CPA6: variants seen among roughly 807,000 people sequenced by gnomAD.
CPA6 encodes carboxypeptidase A6.
A neutral mutation model predicts 63.3 loss-of-function variants in CPA6; 58 were observed. That is an observed-to-expected ratio of 0.92 (90% confidence interval 0.74 to 1.14). The LOEUF is 1.14. Ranked by LOEUF, CPA6 falls within the 50% of genes most tolerant of loss-of-function variation. The probability of loss-of-function intolerance (pLI) is 0.00; values close to 1 mark genes in which losing one functional copy is unlikely to be tolerated. For synonymous variants in CPA6, 185 were observed against 179.0 expected (o/e 1.03, Z -0.27); for missense variants, 565 against 526.6 (o/e 1.07, Z -0.71).
At position 67,482,195 on chromosome 8, in the gene CPA6, C is replaced by T. The variant is rs139621522; in HGVS notation, c.838+1573G>A. Among the ~76,000 whole-genome samples the T allele has an allele frequency of 5.1e-3, 782 of 152,336 alleles. 3 individuals are homozygous for T. The highest frequency in any genetic ancestry group is 8.7e-3 in the Non-Finnish European group (591 of 68,024). On this transcript the variant is annotated intron_variant, in intron 8 of 10. Coordinates refer to ENST00000297770, the MANE Select transcript of CPA6 (RefSeq NM_020361.5). ...GGAGTCTAAGTTTACATAGGCAGAG[C>T]TGGCTGCTGCTAGAGTTACTCAGCT...
intron 8 of CPA6, among the ~76,000 whole-genome samples, chr8:67,468,142 C>CCT (rs1391232283): frequency 6.6e-6 from 1 of 152,072 alleles, no homozygotes; most frequent in African/African-American, 2.4e-5. Context: ...ACTAAAATAC[C>CCT]CCTAACAGGC....
intron 2 of CPA6, among the ~76,000 whole-genome samples, chr8:67,547,207 C>T (rs1204392789): frequency 1.3e-4 from 20 of 152,018 alleles, no homozygotes; most frequent in African/African-American, 2.9e-4. Context: ...CCACCACGCC[C>T]GGCTAAATTT....
chr8:67,461,302 G>A (rs1270036513), intron 8 of CPA6, among the ~76,000 whole-genome samples: 5 of 144,824 alleles, frequency 3.5e-5, no homozygotes, highest in Non-Finnish European at 7.5e-5. Flanking sequence ...GTTTAACAAA[G>A]CACATCTTGC....
intron 3 of CPA6, 89 bp from the exon 4 acceptor site, chr8:67,511,744 T>C: frequency 1.3e-6 from 1 of 755,832 alleles, no homozygotes; most frequent in Non-Finnish European, 2.4e-6. Context: ...TGCATCTATG[T>C]AAAGAAAGAC....
At chr8:67,716,541 C>T (rs554896283) in intron 1 of CPA6, among the ~76,000 whole-genome samples, 1 of 151,464 alleles carries the variant, frequency 6.6e-6, no homozygotes, top group South Asian at 2.1e-4. Flanking sequence ...CTCAGTCTGT[C>T]TTAGTGAAAC....
At chr8:67,545,830 T>C (rs1470049906) in intron 2 of CPA6, among the ~76,000 whole-genome samples, 1 of 152,192 alleles carries the variant, frequency 6.6e-6, no homozygotes, top group African/African-American at 2.4e-5. Flanking sequence ...CCCAAAGTGC[T>C]GGGATTACAG....
intron 8 of CPA6, among the ~76,000 whole-genome samples, chr8:67,463,759 GTGAGAACATGT>G (rs1810865394): frequency 6.6e-6 from 1 of 152,168 alleles, no homozygotes; most frequent in African/African-American, 2.4e-5. Flanking sequence ...CCACTTATAA[GTGAGAACATGT>G]GGTATTTGGG....
chr8:67,573,627 T>C (rs760848507), intron 2 of CPA6, among the ~76,000 whole-genome samples: 1 of 152,014 alleles, frequency 6.6e-6, no homozygotes, highest in Non-Finnish European at 1.5e-5. Context: ...GCACGGTGGT[T>C]CACACCTGTA....
Position 67,450,757 on chromosome 8 carries a change from T to C in CPA6, c.839-16517A>G, listed in dbSNP as rs59667125. Reference sequence around the variant, plus strand: ...GACCTGAGGCTACTTGCTTTATCCATAGAATCCTCGCTAGATCCAACCAAC... The same window carrying C: ...GACCTGAGGCTACTTGCTTTATCCACAGAATCCTCGCTAGATCCAACCAAC... On this transcript the variant is annotated intron_variant, in intron 8 of 10. Transcript: ENST00000297770. Among the ~76,000 whole-genome samples, 217 of 152,298 alleles carry C rather than the reference T, an allele frequency of 1.4e-3. 4 individuals are homozygous for C. Among genetic ancestry groups the C allele is most frequent in the East Asian group, 0.013 (66 of 5,176 alleles).
intron 8 of CPA6, among the ~76,000 whole-genome samples, chr8:67,436,956 G>A (rs1158967068): frequency 6.6e-6 from 1 of 152,172 alleles, no homozygotes; most frequent in Non-Finnish European, 1.5e-5. Flanking sequence ...GCTAAATCTT[G>A]AGGACCGTAA....
chr8:67,708,059 G>T (rs1817174464), intron 1 of CPA6, among the ~76,000 whole-genome samples: 1 of 152,166 alleles, frequency 6.6e-6, no homozygotes, highest in Non-Finnish European at 1.5e-5. Context: ...AGGCCCAGGA[G>T]CCCCAACTAA....
chr8:67,679,352 C>T (rs1816544696), intron 1 of CPA6, among the ~76,000 whole-genome samples: 1 of 152,158 alleles, frequency 6.6e-6, no homozygotes, highest in Non-Finnish European at 1.5e-5. Context: ...TCAGATAAAA[C>T]ATATGCTTTT....
At chr8:67,689,718 T>C (rs1269514353) in intron 1 of CPA6, among the ~76,000 whole-genome samples, 2 of 152,212 alleles carry the variant, frequency 1.3e-5, no homozygotes, top group East Asian at 1.9e-4. Flanking sequence ...CTATTGATAA[T>C]AGTGCTGCGA....
At position 67,686,551 on chromosome 8, in the gene CPA6, C is replaced by T. The variant is rs577887811; in HGVS notation, c.116+59463G>A. On this transcript the variant is annotated intron_variant, in intron 1 of 10. Transcript: ENST00000297770. ...ATAACTTCTGGGCCTAGGGCTTCTG[C>T]CCCAGATGACCGCAAACCCATTGTA... Among the ~76,000 whole-genome samples, 19 of 152,296 alleles carry T rather than the reference C, an allele frequency of 1.2e-4. No homozygotes were observed. In the South Asian group the frequency reaches 3.9e-3, roughly 32 times the overall value.
At chr8:67,488,565 A>C (rs1331740727) in intron 6 of CPA6, among the ~76,000 whole-genome samples, 2 of 152,166 alleles carry the variant, frequency 1.3e-5, no homozygotes, top group African/African-American at 4.8e-5. Context: ...TGAACTTCAA[A>C]GTAGTTTTTT....
At chr8:67,666,740 G>C (rs558529081) in intron 1 of CPA6, among the ~76,000 whole-genome samples, 18 of 152,224 alleles carry the variant, frequency 1.2e-4, no homozygotes, top group African/African-American at 3.8e-4. Flanking sequence ...CCTCACTGAA[G>C]AATGCAGCTC....
At chr8:67,536,134 C>T (rs1812579916) in intron 2 of CPA6, among the ~76,000 whole-genome samples, 1 of 152,142 alleles carries the variant, frequency 6.6e-6, no homozygotes, top group African/African-American at 2.4e-5. Flanking sequence ...TAGCGTGATG[C>T]CTCCAGCTTT....
chr8:67,672,045 G>A (rs536721387), intron 1 of CPA6, among the ~76,000 whole-genome samples: 2 of 152,178 alleles, frequency 1.3e-5, no homozygotes, highest in East Asian at 3.9e-4. Flanking sequence ...GGCCAGGCTG[G>A]TCTTGAACTC....
intron 2 of CPA6, among the ~76,000 whole-genome samples, chr8:67,559,873 A>ATG (rs1813162698): frequency 4.0e-5 from 6 of 149,156 alleles, no homozygotes; most frequent in Non-Finnish European, 8.9e-5. Context: ...ATATGTATAC[A>ATG]CACACACACA....
Sources: allele counts gnomAD v4.1 joint callset (sites outside exome capture counted in the v4.1 genomes callset), GRCh38; gene constraint gnomAD v4.1.1; transcripts MANE v1.5; gene names NCBI Gene and HGNC (gene_info 2026-07-23, HGNC 2026-07-21).